Variants in SSH2 observed in about 807,000 individuals in gnomAD.
The protein encoded by SSH2 is protein phosphatase Slingshot homolog 2.
SSH2 carries 37 observed loss-of-function variants against 135.2 expected under a neutral mutation model. The observed-to-expected ratio is 0.27, with a 90% CI of 0.21 to 0.36. The LOEUF is 0.36. SSH2 is among the 10% of genes least tolerant of loss of function. The pLI is 1.00. For missense variants in SSH2, 1,408 were observed against 1,765.3 expected (o/e 0.80, Z 3.63); for synonymous variants, 628 against 646.2 (o/e 0.97, Z 0.43).
At chr17:29,873,773 T>C (rs1157799982) in intron 1 of SSH2, among the ~76,000 whole-genome samples, 2 of 152,172 alleles carry the variant, frequency 1.3e-5, no homozygotes. Context: ...TTTCCTTCCA[T>C]TTTCCATTCT....
At chr17:29,749,204 A>C (rs776518398) in intron 3 of SSH2, among the ~76,000 whole-genome samples, 6 of 152,244 alleles carry the variant, frequency 3.9e-5, no homozygotes, top group Admixed American at 6.5e-5. Context: ...ACACAAGCCC[A>C]CTAGTATCGC....
intron 3 of SSH2, among the ~76,000 whole-genome samples, chr17:29,760,176 C>T (rs552382349): frequency 6.6e-6 from 1 of 152,266 alleles, no homozygotes; most frequent in South Asian, 2.1e-4. Flanking sequence ...ACCTTACATG[C>T]TATTCTCTAG....
chr17:29,781,363 T>G (rs2041836359), intron 3 of SSH2, among the ~76,000 whole-genome samples: 1 of 151,740 alleles, frequency 6.6e-6, no homozygotes. Context: ...AAAGAAAACT[T>G]GACAAGGTAC....
rs753882602 is a variant in SSH2, at chr17:29,631,912, G to C, written c.3282C>G (p.Asn1094Lys). Residue 1094 changes from asparagine (N) to lysine (K), a missense_variant, in exon 16 of 16, where the codon AAC (asparagine) becomes AAG (lysine). By Grantham distance (94) the Asn-to-Lys change is moderately conservative. Coordinates refer to ENST00000540801, the MANE Select transcript of SSH2 (RefSeq NM_001282129.2). ...GCACTTGGGGGTGCAGAGAAACCTG[G>C]TTGGGGTCCAGAGTCCTGTTTAGAT... is the stretch of plus-strand genomic sequence containing the variant. The part of the protein sequence containing the change: ...DENLNRTLDP[N>K]QVSLHPQVLP... The C allele has an allele frequency of 1.9e-6, 3 of 1,614,200 alleles. No homozygotes were observed. Among genetic ancestry groups the C allele is most frequent in the Non-Finnish European group, 2.5e-6 (3 of 1,180,030 alleles).
intron 3 of SSH2, among the ~76,000 whole-genome samples, chr17:29,766,833 A>G (rs1036269791): frequency 3.3e-5 from 5 of 152,198 alleles, no homozygotes; most frequent in African/African-American, 4.8e-5. Context: ...GTAATGCAAC[A>G]TTCTGTCTCC....
chr17:29,633,055 A>T, intron 15 of SSH2, 124 bp from the exon 16 acceptor site: 1 of 863,386 alleles, frequency 1.2e-6, no homozygotes, highest in East Asian at 2.6e-5. Flanking sequence ...CAAATCATGG[A>T]GTGCCTGGGA....
chr17:29,913,924 G>A (rs764731513), intron 1 of SSH2, among the ~76,000 whole-genome samples: 11 of 152,072 alleles, frequency 7.2e-5, no homozygotes, highest in Admixed American at 1.3e-4. Flanking sequence ...ATGAGCCACC[G>A]CTCCCGGCCA....
intron 3 of SSH2, among the ~76,000 whole-genome samples, chr17:29,781,331 A>G (rs912827131): frequency 6.6e-6 from 1 of 152,188 alleles, no homozygotes; most frequent in African/African-American, 2.4e-5. Context: ...AAGATAAAAA[A>G]TAAACAGAGC....
chr17:29,688,113 C>T (rs1032121713), intron 5 of SSH2, among the ~76,000 whole-genome samples: 7 of 151,672 alleles, frequency 4.6e-5, no homozygotes, highest in Admixed American at 3.3e-4. Context: ...CGGGTTCAAG[C>T]GGTTCTCCTG....
At chr17:29,721,992 T>C (rs540811106) in intron 3 of SSH2, among the ~76,000 whole-genome samples, 1 of 152,250 alleles carries the variant, frequency 6.6e-6, no homozygotes, top group East Asian at 1.9e-4. Flanking sequence ...ATGTAATTTG[T>C]AAGGCCGGAT....
intron 2 of SSH2, 149 bp downstream of exon 2, chr17:29,848,700 C>T: frequency 1.8e-6 from 1 of 540,556 alleles, no homozygotes. Flanking sequence ...TCATTCTAAG[C>T]CACCTATTTG....
chr17:29,905,707 A>G lies in SSH2; in HGVS notation c.63+24231T>C, dbSNP rs191546843. On this transcript the variant is annotated intron_variant, in intron 1 of 15. Transcript: ENST00000540801. ...GGGTCCCTGGTAAGGTCCCTCCCTCAGGCCAGGGAGGGCCTGTGGGCTGGG... is the reference window on the plus strand; with the variant it reads ...GGGTCCCTGGTAAGGTCCCTCCCTCGGGCCAGGGAGGGCCTGTGGGCTGGG... Among the ~76,000 whole-genome samples, 4 of 152,262 alleles carry G rather than the reference A, an allele frequency of 2.6e-5. No individual in the cohort carries two copies. In the South Asian group the frequency reaches 8.3e-4, roughly 32 times the overall value.
Position 29,631,664 on chromosome 17 carries a change from G to A in SSH2, c.3530C>T (p.Thr1177Ile), listed in dbSNP as rs1298975545. ...AACCTGTTCTGCAGAGGGCTCATCT[G>A]TAGTGCTGCTCTGCTCTGTGAAGCC... ...LEGFTEQSST[T>I]DEPSAEQVSW... Residue 1177 changes from threonine (T) to isoleucine (I), a missense_variant, in exon 16 of 16, where the codon ACA (threonine) becomes ATA (isoleucine). This residue lies in a region of SSH2 where 1,080 missense variants were observed against 1,144.5 expected (regional missense o/e 0.94). Transcript: ENST00000540801. The A allele has an allele frequency of 6.2e-7, 1 of 1,614,226 alleles. No homozygotes were observed. The highest frequency in any genetic ancestry group is 8.5e-7 in the Non-Finnish European group (1 of 1,180,042).
intron 14 of SSH2, among the ~76,000 whole-genome samples, chr17:29,646,314 C>A (rs1542123): frequency 0.018 from 2,707 of 152,212 alleles, 33 homozygotes; most frequent in Non-Finnish European, 0.027. Flanking sequence ...GGAAGACATT[C>A]AAGACCTGGT....
Position 29,811,645 on chromosome 17 carries a change from T to C in SSH2, c.145-17708A>G, listed in dbSNP as rs192959836. ...GTGCACTGTTGCGATCATACCTTAC[T>C]GTTGTCTTGAACCCCTGGGCTCAAG... On this transcript the variant is annotated intron_variant, in intron 2 of 15. Transcript: ENST00000540801. Among the ~76,000 whole-genome samples the C allele has an allele frequency of 5.0e-3, 754 of 152,080 alleles. 3 individuals carry two copies. The highest frequency in any genetic ancestry group is 7.8e-3 in the Non-Finnish European group (527 of 67,988).
chr17:29,674,495 A>G (rs778084999), intron 8 of SSH2, among the ~76,000 whole-genome samples: 7 of 152,188 alleles, frequency 4.6e-5, no homozygotes, highest in Non-Finnish European at 8.8e-5. Context: ...GCCACCTCAG[A>G]TACTCCAGCT....
intron 5 of SSH2, among the ~76,000 whole-genome samples, chr17:29,692,972 G>T (rs75251700): frequency 0.022 from 3,333 of 152,254 alleles, 117 homozygotes; most frequent in African/African-American, 0.068. Context: ...TGATGATGAT[G>T]ATTATTATTA....
At chr17:29,754,266 T>G (rs1009644603) in intron 3 of SSH2, among the ~76,000 whole-genome samples, 3 of 152,146 alleles carry the variant, frequency 2.0e-5, no homozygotes, top group African/African-American at 7.2e-5. Context: ...GCAATTTGTG[T>G]TTTACCAAGC....
At chr17:29,835,779 G>A (rs1268774465) in intron 2 of SSH2, among the ~76,000 whole-genome samples, 1 of 151,320 alleles carries the variant, frequency 6.6e-6, no homozygotes, top group Non-Finnish European at 1.5e-5. Context: ...CTGCCTCCTG[G>A]GCTCTCCTTA....
Sources: gnomAD v4.1 joint callset for allele counts (sites outside exome capture counted in the v4.1 genomes callset) on GRCh38, gnomAD v4.1.1 for gene constraint, gnomAD v4.1.1 regional missense constraint, MANE v1.5 for transcripts, NCBI Gene and HGNC (gene_info 2026-07-23, HGNC 2026-07-21) for gene names.